PARD3: variants seen among roughly 807,000 people sequenced by gnomAD.
PARD3 encodes the protein par-3 family cell polarity regulator.
A neutral mutation model predicts 155.4 loss-of-function variants in PARD3; 75 were observed. The observed-to-expected ratio is 0.48, with a 90% CI of 0.40 to 0.58. The LOEUF is 0.58. PARD3 is among the 20% of genes least tolerant of loss of function. The pLI is 0.00. For synonymous variants in PARD3, 576 were observed against 610.5 expected (o/e 0.94, Z 0.83); for missense variants, 1,642 against 1,721.7 (o/e 0.95, Z 0.82).
At chr10:34,238,948 A>G (rs1252216361) in intron 22 of PARD3, among the ~76,000 whole-genome samples, 1 of 152,142 alleles carries the variant, frequency 6.6e-6, no homozygotes, top group African/African-American at 2.4e-5. Flanking sequence ...GACATATTTT[A>G]TTTTAAACTT....
chr10:34,536,526 A>C (rs1482631198), intron 2 of PARD3, among the ~76,000 whole-genome samples: 3 of 152,232 alleles, frequency 2.0e-5, no homozygotes, highest in Non-Finnish European at 4.4e-5. Flanking sequence ...CACTATTTAA[A>C]ACCTATATAA....
intron 22 of PARD3, among the ~76,000 whole-genome samples, chr10:34,144,127 T>G (rs928913865): frequency 1.3e-5 from 2 of 152,202 alleles, no homozygotes; most frequent in African/African-American, 2.4e-5. Context: ...TTTTGAAAAC[T>G]GGAGTTATTG....
At chr10:34,369,659 G>A (rs996852802) in intron 12 of PARD3, among the ~76,000 whole-genome samples, 1 of 152,058 alleles carries the variant, frequency 6.6e-6, no homozygotes, top group Non-Finnish European at 1.5e-5. Context: ...TCTCCTGCAG[G>A]AAAAGAAAAA....
At chr10:34,118,681 T>A (rs1204168817) in intron 24 of PARD3, among the ~76,000 whole-genome samples, 2 of 152,176 alleles carry the variant, frequency 1.3e-5, no homozygotes, top group Non-Finnish European at 2.9e-5. Context: ...TCAAGATCAC[T>A]CTACACTGGT....
intron 2 of PARD3, among the ~76,000 whole-genome samples, chr10:34,600,433 T>A (rs1319807525): frequency 6.6e-6 from 1 of 151,934 alleles, no homozygotes; most frequent in Non-Finnish European, 1.5e-5. Flanking sequence ...ATGGAACACA[T>A]GCAGAATGTC....
intron 3 of PARD3, among the ~76,000 whole-genome samples, chr10:34,475,771 AC>A (rs1244321374): frequency 6.6e-6 from 1 of 152,162 alleles, no homozygotes; most frequent in Admixed American, 6.5e-5. Context: ...GTTTTCCAAA[AC>A]CTAATTTTAC....
intron 2 of PARD3, among the ~76,000 whole-genome samples, chr10:34,587,192 C>T (rs1204002101): frequency 2.0e-5 from 3 of 152,064 alleles, no homozygotes; most frequent in Admixed American, 6.5e-5. Context: ...GACACAATCT[C>T]GACTCACTAC....
chr10:34,666,816 T>TATATATATGTATATATATATAC (rs765552982), intron 2 of PARD3, among the ~76,000 whole-genome samples: 1 of 88,768 alleles, frequency 1.1e-5, no homozygotes, highest in African/African-American at 4.7e-5. Flanking sequence ...TATATATATA[T>TATATATATGTATATATATATAC]ACACACACAC....
intron 3 of PARD3, among the ~76,000 whole-genome samples, chr10:34,499,484 TACAAATTG>T (rs1219714175): frequency 6.6e-6 from 1 of 151,946 alleles, no homozygotes; most frequent in Non-Finnish European, 1.5e-5. Flanking sequence ...GGAGAATGTA[TACAAATTG>T]AAACAGATTT....
At chr10:34,681,759 TATATATATA>T (rs1358128436) in intron 2 of PARD3, among the ~76,000 whole-genome samples, 15 of 22,028 alleles carry the variant, frequency 6.8e-4, no homozygotes, top group African/African-American at 3.2e-3. Context: ...TATATATATA[TATATATATA>T]TTTTTTTTTT....
intron 22 of PARD3, among the ~76,000 whole-genome samples, chr10:34,253,545 G>A (rs191802953): frequency 6.6e-6 from 1 of 152,312 alleles, no homozygotes; most frequent in East Asian, 1.9e-4. Context: ...TGGAGGGTCT[G>A]CAGCATCTCT....
chr10:34,181,258 TGAC>T (rs1245864080), intron 22 of PARD3, among the ~76,000 whole-genome samples: 1 of 152,218 alleles, frequency 6.6e-6, no homozygotes, highest in African/African-American at 2.4e-5. Context: ...CAAAGACCAA[TGAC>T]AACACCAGAC....
intron 2 of PARD3, among the ~76,000 whole-genome samples, chr10:34,593,552 G>A (rs1025577870): frequency 1.3e-5 from 2 of 152,140 alleles, no homozygotes; most frequent in Non-Finnish European, 2.9e-5. Context: ...GCACCTCCCA[G>A]CATTCAAACC....
At chr10:34,358,027 C>T (rs1839070842) in intron 14 of PARD3, among the ~76,000 whole-genome samples, 1 of 152,080 alleles carries the variant, frequency 6.6e-6, no homozygotes. Context: ...GTATAATTTT[C>T]AGTTTGTATT....
At chr10:34,750,216 G>A (rs1217909448) in intron 1 of PARD3, among the ~76,000 whole-genome samples, 1 of 151,940 alleles carries the variant, frequency 6.6e-6, no homozygotes, top group African/African-American at 2.4e-5. Flanking sequence ...AAACGATATG[G>A]AAGTACCTTT....
At chr10:34,164,037 T>C (rs1949405904) in intron 22 of PARD3, among the ~76,000 whole-genome samples, 1 of 152,192 alleles carries the variant, frequency 6.6e-6, no homozygotes, top group African/African-American at 2.4e-5. Context: ...GCACAAAATA[T>C]GGTTAATTAA....
intron 21 of PARD3, among the ~76,000 whole-genome samples, chr10:34,278,108 A>G (rs1314920649): frequency 6.6e-6 from 1 of 151,940 alleles, no homozygotes; most frequent in Non-Finnish European, 1.5e-5. Context: ...GTGCAGTAGT[A>G]TAATCATAGC....
chr10:34,699,419 C>T (rs935421331), intron 1 of PARD3, among the ~76,000 whole-genome samples: 2 of 152,146 alleles, frequency 1.3e-5, no homozygotes, highest in Admixed American at 6.5e-5. Context: ...ATTTTTGCCA[C>T]TGAAAAATAC....
intron 2 of PARD3, among the ~76,000 whole-genome samples, chr10:34,646,983 C>T (rs981896133): frequency 1.3e-5 from 2 of 152,208 alleles, no homozygotes; most frequent in African/African-American, 4.8e-5. Flanking sequence ...TGTTTGACAT[C>T]AGAACCATAC....
Sources: gnomAD v4.1 joint callset for allele counts (sites outside exome capture counted in the v4.1 genomes callset) on GRCh38, gnomAD v4.1.1 for gene constraint, MANE v1.5 for transcripts, NCBI Gene and HGNC (gene_info 2026-07-23, HGNC 2026-07-21) for gene names.